The following INSYN2A variants were observed in gnomAD, a reference collection of about 807,000 sequenced individuals.
The protein encoded by INSYN2A is inhibitory synaptic factor 2A, also known as family with sequence similarity 196 member A.
Under a neutral mutation model 39.4 loss-of-function variants are expected in INSYN2A, and 17 were observed. The observed-to-expected ratio is 0.43, with a 90% CI of 0.30 to 0.65. INSYN2A has a LOEUF of 0.65. INSYN2A is among the 30% of genes least tolerant of loss of function. The pLI is 0.14. For synonymous variants in INSYN2A, 255 were observed against 265.7 expected, an observed-to-expected ratio of 0.96 and a Z score of 0.39; for missense variants, 595 against 631.2, an observed-to-expected ratio of 0.94 and a Z score of 0.61.
At chr10:127,177,498 C>A (rs1360002730) in intron 2 of INSYN2A, among the ~76,000 whole-genome samples, 11 of 152,186 alleles carry the variant, frequency 7.2e-5, no homozygotes, top group Admixed American at 7.2e-4. Flanking sequence ...TTCGCCTTTT[C>A]CCCCCTTGTG....
intron 5 of INSYN2A, among the ~76,000 whole-genome samples, chr10:127,151,139 A>G (rs1179575441): frequency 6.6e-6 from 1 of 152,182 alleles, no homozygotes; most frequent in African/African-American, 2.4e-5. Context: ...CTTATCCAAC[A>G]TAATAACCAC....
intron 5 of INSYN2A, among the ~76,000 whole-genome samples, chr10:127,149,212 C>T (rs1466792627): frequency 6.6e-6 from 1 of 152,068 alleles, no homozygotes; most frequent in Non-Finnish European, 1.5e-5. Context: ...CTTGATGATC[C>T]CTTAGTGCAA....
Position 127,175,242 on chromosome 10 carries a change from T to A in INSYN2A, c.1154A>T (p.Glu385Val). 6.2e-7 allele frequency: 1 copy of A among 1,613,988 alleles called. No individual in the cohort carries two copies. The highest frequency in any genetic ancestry group is 1.1e-5 in the South Asian group (1 of 91,050). Residue 385 changes from glutamate to valine, a missense_variant, in exon 4 of 6, where the codon GAG becomes GTG. Transcript: ENST00000522781. This position sits in a 1 kb window ranked among gnomAD's most constrained non-coding sequence, Gnocchi z 6.3. ...TIKVLLGVIQ[E>V]LEKGEAHREG... is the part of the protein sequence containing the mutation. The stretch of plus-strand genomic sequence containing the variant: ...CCGATGGGCCTCTCCTTTTTCCAAC[T>A]CCTGAATGACCCCCAAGAGCACTTT...
At chr10:127,193,661 T>C (rs1041455647) in intron 1 of INSYN2A, among the ~76,000 whole-genome samples, 2 of 152,226 alleles carry the variant, frequency 1.3e-5, no homozygotes, top group African/African-American at 2.4e-5. Context: ...ATTTTGATTT[T>C]TGGACTGCTT....
At chr10:127,157,020 C>A (rs536252114) in intron 4 of INSYN2A, among the ~76,000 whole-genome samples, 5 of 152,136 alleles carry the variant, frequency 3.3e-5, no homozygotes, top group Non-Finnish European at 5.9e-5. Flanking sequence ...GAGACATTTG[C>A]GAATAAGATG....
chr10:127,147,199 C>T lies in INSYN2A; in HGVS notation c.1256+6653G>A, dbSNP rs57873949. Reference sequence around the variant, plus strand: ...TTTTGGAGCTTCCTACTTGAGAAGCCGTCAAGGATTGTGGTGGACTGGGAT... The same window carrying T: ...TTTTGGAGCTTCCTACTTGAGAAGCTGTCAAGGATTGTGGTGGACTGGGAT... On this transcript the variant is annotated intron_variant, in intron 5 of 5. Coordinates refer to ENST00000522781, the MANE Select transcript of INSYN2A (RefSeq NM_001039762.3). 9.3e-4 allele frequency among the ~76,000 whole-genome samples: 142 copies of T among 152,220 alleles called. 2 individuals are homozygous for T. Among genetic ancestry groups the T allele is most frequent in the African/African-American group, 3.2e-3 (135 of 41,540 alleles).
At position 127,175,721 on chromosome 10, in the gene INSYN2A, G is replaced by A. The variant is rs61738666; in HGVS notation, c.675C>T (p.Leu225=). The A allele has an allele frequency of 1.2e-5, 20 of 1,613,838 alleles. No homozygotes were observed. The African/African-American group carries it at 1.6e-4, about 13-fold the overall frequency. The change falls in exon 4 of 6, where the codon CTC becomes CTT. Residue 225 remains leucine (L), a synonymous_variant. Coordinates refer to ENST00000522781, the MANE Select transcript of INSYN2A (RefSeq NM_001039762.3). This position sits in a 1 kb window ranked among gnomAD's most constrained non-coding sequence, Gnocchi z 6.3. ...PPSEEPDYQL[L]GRAKQDRGRP... ...TCCCCCGGTCCTGCTTGGCCCTCCC[G>A]AGCAGCTGGTAATCGGGCTCTTCGG... is the stretch of plus-strand genomic sequence containing the variant.
chr10:127,167,141 T>C (rs1034915365), intron 4 of INSYN2A, among the ~76,000 whole-genome samples: 1 of 152,164 alleles, frequency 6.6e-6, no homozygotes, highest in Non-Finnish European at 1.5e-5. Context: ...TACAAAGTTA[T>C]ATAAATATAA....
intron 2 of INSYN2A, among the ~76,000 whole-genome samples, chr10:127,184,587 A>G (rs1043211926): frequency 6.6e-6 from 1 of 150,822 alleles, no homozygotes; most frequent in African/African-American, 2.4e-5. Context: ...AGCACTTCCA[A>G]AGAGTCTCTT....
rs535708958 is a variant in INSYN2A, at chr10:127,175,061, C to A, written c.1184+151G>T. 3.0e-6 allele frequency: 2 copies of A among 666,264 alleles called. No homozygotes were observed. The highest frequency in any genetic ancestry group is 5.3e-6 in the Non-Finnish European group (2 of 378,818). The allele number at this position is 666,264 out of a possible 1,614,324, so 41.3% of individuals were successfully genotyped here. ...ACGTCTAGTATCATAAAATAATCTG[C>A]GACCCCTTGGAGCTCGCCACGCCCT... is the stretch of plus-strand genomic sequence containing the variant. On this transcript the variant is annotated intron_variant, in intron 4 of 5. Transcript: ENST00000522781. The surrounding 1 kb of genome is among the most constrained non-coding windows in gnomAD (Gnocchi z 6.3).
chr10:127,191,894 A>G (rs796124173), intron 2 of INSYN2A, among the ~76,000 whole-genome samples: 21 of 152,324 alleles, frequency 1.4e-4, no homozygotes, highest in African/African-American at 5.1e-4. Flanking sequence ...TTTATTTGCA[A>G]GGCTGCCTGT....
At chr10:127,162,391 A>G (rs1230298648) in intron 4 of INSYN2A, among the ~76,000 whole-genome samples, 1 of 152,236 alleles carries the variant, frequency 6.6e-6, no homozygotes, top group African/African-American at 2.4e-5. Context: ...ATCTGATAGC[A>G]TTCTAATGCT....
chr10:127,187,055 G>T lies in INSYN2A; in HGVS notation c.-269+5550C>A, dbSNP rs769447521. Among the ~76,000 whole-genome samples the T allele has an allele frequency of 2.0e-5, 3 of 152,318 alleles. No homozygotes were observed. The South Asian group carries it at 6.2e-4, about 32-fold the overall frequency. On this transcript the variant is annotated intron_variant, in intron 2 of 5. Coordinates refer to ENST00000522781, the MANE Select transcript of INSYN2A (RefSeq NM_001039762.3). ...CCCCATCTCCTGTCCAGAAGGGAAC[G>T]TGACAATTCACCCCGGGGCAAAACA...
intron 5 of INSYN2A, among the ~76,000 whole-genome samples, chr10:127,140,617 C>G (rs1386736603): frequency 6.6e-6 from 1 of 152,084 alleles, no homozygotes; most frequent in African/African-American, 2.4e-5. Flanking sequence ...CACCAAGTCT[C>G]TCGGTTGAGT....
intron 2 of INSYN2A, among the ~76,000 whole-genome samples, chr10:127,183,156 T>C (rs2055898914): frequency 6.6e-6 from 1 of 151,414 alleles, no homozygotes; most frequent in African/African-American, 2.4e-5. Context: ...ACATTGATTT[T>C]TTCCCCCCTA....
intron 2 of INSYN2A, among the ~76,000 whole-genome samples, chr10:127,188,589 A>G (rs972031197): frequency 1.3e-4 from 20 of 152,240 alleles, no homozygotes; most frequent in South Asian, 1.0e-3. Context: ...CCATGCTACC[A>G]TGGTTTGCTA....
chr10:127,188,754 T>A (rs2056501448), intron 2 of INSYN2A, among the ~76,000 whole-genome samples: 1 of 152,200 alleles, frequency 6.6e-6, no homozygotes. Flanking sequence ...GTAACACTTG[T>A]GTATAACACT....
At chr10:127,189,126 C>A (rs1489443430) in intron 2 of INSYN2A, among the ~76,000 whole-genome samples, 1 of 152,190 alleles carries the variant, frequency 6.6e-6, no homozygotes, top group Non-Finnish European at 1.5e-5. Flanking sequence ...GCAGGACCTA[C>A]GAGACACAAG....
intron 2 of INSYN2A, among the ~76,000 whole-genome samples, chr10:127,181,144 T>C (rs2055693288): frequency 6.6e-6 from 1 of 152,216 alleles, no homozygotes; most frequent in Non-Finnish European, 1.5e-5. Context: ...TGATAAAGAA[T>C]GAAAATGAAT....
Sources: allele counts gnomAD v4.1 joint callset (sites outside exome capture counted in the v4.1 genomes callset), GRCh38; gene constraint gnomAD v4.1.1; non-coding constraint Gnocchi (gnomAD v3.1); transcripts MANE v1.5; gene names NCBI Gene and HGNC (gene_info 2026-07-23, HGNC 2026-07-21).